PXDNL: variants seen among roughly 807,000 people sequenced by gnomAD.
PXDNL encodes peroxidasin like, also known as probable oxidoreductase PXDNL.
PXDNL carries 145 observed loss-of-function variants against 150.8 expected under a neutral mutation model. That is an observed-to-expected ratio of 0.96 (90% CI 0.84 to 1.10). PXDNL has a LOEUF of 1.10. PXDNL is among the 50% of genes least tolerant of loss of function. The pLI is 0.00. For missense variants in PXDNL, 2,087 were observed against 1,873.9 expected (o/e 1.11, Z -2.10); for synonymous variants, 757 against 725.7 (o/e 1.04, Z -0.69).
chr8:51,781,640 A>G (rs929262390), intron 1 of PXDNL, among the ~76,000 whole-genome samples: 2 of 152,200 alleles, frequency 1.3e-5, no homozygotes, highest in African/African-American at 2.4e-5. Context: ...CACATAAAAC[A>G]TGTTTCCTGG....
intron 1 of PXDNL, among the ~76,000 whole-genome samples, chr8:51,673,766 A>G (rs568273786): frequency 3.3e-5 from 5 of 152,196 alleles, no homozygotes; most frequent in Non-Finnish European, 7.3e-5. Flanking sequence ...CTGCCTCTCT[A>G]CATAGTTTAG....
intron 1 of PXDNL, among the ~76,000 whole-genome samples, chr8:51,770,109 C>T (rs188718785): frequency 1.3e-5 from 2 of 152,346 alleles, no homozygotes; most frequent in Admixed American, 1.3e-4. Context: ...ATGCTTCAGA[C>T]CACCTTGCTC....
intron 1 of PXDNL, among the ~76,000 whole-genome samples, chr8:51,666,769 A>C (rs1387094921): frequency 2.0e-5 from 3 of 152,150 alleles, no homozygotes. Flanking sequence ...CACTGTCCTG[A>C]TGGGCCATTC....
intron 4 of PXDNL, among the ~76,000 whole-genome samples, chr8:51,500,331 G>A (rs1811154631): frequency 1.3e-5 from 2 of 152,148 alleles, no homozygotes. Context: ...GACTTTTTCA[G>A]ACCTTGGTAT....
At chr8:51,558,372 T>C (rs1199366845) in intron 3 of PXDNL, among the ~76,000 whole-genome samples, 2 of 152,002 alleles carry the variant, frequency 1.3e-5, no homozygotes, top group East Asian at 1.9e-4. Context: ...GGTGAAAGTA[T>C]TCTGTAAATG....
At chr8:51,360,490 CAT>C (rs1806695607) in intron 19 of PXDNL, among the ~76,000 whole-genome samples, 1 of 152,182 alleles carries the variant, frequency 6.6e-6, no homozygotes, top group East Asian at 1.9e-4. Context: ...TATGCATACA[CAT>C]GTATATATGT....
At chr8:51,351,925 C>T (rs1451546963) in intron 19 of PXDNL, among the ~76,000 whole-genome samples, 1 of 152,114 alleles carries the variant, frequency 6.6e-6, no homozygotes, top group African/African-American at 2.4e-5. Flanking sequence ...CTCCCTCCAT[C>T]TAGTAAGACA....
intron 1 of PXDNL, among the ~76,000 whole-genome samples, chr8:51,696,824 C>T (rs1451242834): frequency 6.8e-6 from 1 of 147,432 alleles, no homozygotes; most frequent in East Asian, 2.0e-4. Flanking sequence ...CACACACACA[C>T]ACACACACAC....
intron 1 of PXDNL, among the ~76,000 whole-genome samples, chr8:51,791,755 A>G (rs558338507): frequency 6.6e-6 from 1 of 152,338 alleles, no homozygotes; most frequent in Admixed American, 6.5e-5. Context: ...GCTTTACCAG[A>G]TAGTGGCAAA....
intron 19 of PXDNL, among the ~76,000 whole-genome samples, chr8:51,349,211 C>T (rs1244878492): frequency 2.6e-5 from 4 of 151,874 alleles, no homozygotes; most frequent in African/African-American, 4.8e-5. Flanking sequence ...CCATTCAGGG[C>T]AGCCTTGGTT....
chr8:51,372,750 G>A (rs1037161932), intron 18 of PXDNL, among the ~76,000 whole-genome samples: 13 of 152,108 alleles, frequency 8.5e-5, no homozygotes, highest in Admixed American at 4.6e-4. Context: ...ACATTAACAC[G>A]TTTGCCTAAA....
chr8:51,409,754 C>T (rs1319144599), intron 16 of PXDNL, among the ~76,000 whole-genome samples, 193 bp from the exon 17 acceptor site: 2 of 146,220 alleles, frequency 1.4e-5, no homozygotes, highest in Non-Finnish European at 3.0e-5. Flanking sequence ...AAAGATGTTT[C>T]CAGAAGATCC....
intron 4 of PXDNL, among the ~76,000 whole-genome samples, chr8:51,540,786 T>C (rs1479665066): frequency 6.6e-6 from 1 of 152,214 alleles, no homozygotes; most frequent in African/African-American, 2.4e-5. Context: ...ACTTGTTCTA[T>C]CAGTTACTAA....
chr8:51,722,830 T>A (rs184663592), intron 1 of PXDNL, among the ~76,000 whole-genome samples: 2 of 152,142 alleles, frequency 1.3e-5, no homozygotes, highest in East Asian at 1.9e-4. Flanking sequence ...AAGGCAGTAT[T>A]TTTTTTTCTA....
intron 19 of PXDNL, among the ~76,000 whole-genome samples, chr8:51,368,736 C>T (rs1351242799): frequency 3.3e-5 from 5 of 152,146 alleles, no homozygotes; most frequent in African/African-American, 9.7e-5. Context: ...TGGTTCACAC[C>T]TGTAATCACA....
At chr8:51,731,976 C>T (rs948160479) in intron 1 of PXDNL, among the ~76,000 whole-genome samples, 3 of 152,194 alleles carry the variant, frequency 2.0e-5, no homozygotes, top group African/African-American at 7.2e-5. Context: ...ATATTTTCCC[C>T]ATTGTCTTGG....
intron 17 of PXDNL, among the ~76,000 whole-genome samples, chr8:51,387,485 T>G (rs1462909992): frequency 1.3e-5 from 2 of 152,146 alleles, no homozygotes; most frequent in Non-Finnish European, 2.9e-5. Flanking sequence ...GAAAAAATCC[T>G]GAGAGAGTTT....
At chr8:51,739,874 T>TGAA (rs773836798) in intron 1 of PXDNL, among the ~76,000 whole-genome samples, 1 of 12,860 alleles carries the variant, frequency 7.8e-5, no homozygotes, top group Non-Finnish European at 2.3e-4. Context: ...AGATTCTGTC[T>TGAA]CAAAAAAAAA....
At chr8:51,494,599 T>C (rs546581970) in intron 5 of PXDNL, among the ~76,000 whole-genome samples, 5 of 151,788 alleles carry the variant, frequency 3.3e-5, no homozygotes, top group African/African-American at 1.2e-4. Context: ...ACCAAGCAAA[T>C]AGAAAACAAC....
Sources: allele counts gnomAD v4.1 joint callset (sites outside exome capture counted in the v4.1 genomes callset), GRCh38; gene constraint gnomAD v4.1.1; transcripts MANE v1.5; gene names NCBI Gene and HGNC (gene_info 2026-07-23, HGNC 2026-07-21).